Variants in AJAP1 observed in about 807,000 individuals in gnomAD.
The protein encoded by AJAP1 is adherens junctions associated protein 1, also known as adherens junction-associated protein 1.
A neutral mutation model predicts 35.0 loss-of-function variants in AJAP1; 5 were observed. The ratio of observed to expected loss-of-function variants is 0.14; its 90% CI spans 0.07 to 0.30. The LOEUF (loss-of-function observed/expected upper bound fraction) is 0.30, where lower values mean the gene tolerates loss of function less well. AJAP1 is among the 10% of genes least tolerant of loss of function. AJAP1 has a pLI of 1.00. For missense variants in AJAP1, 586 were observed against 571.0 expected (o/e 1.03, Z -0.27); for synonymous variants, 284 against 249.3 (o/e 1.14, Z -1.31).
chr1:4,790,597 A>G lies in AJAP1; in HGVS notation c.*8112A>G, dbSNP rs875402. ...TCTATCCGCAGATGTGTTTTGTTCT[A>G]TTTCTTGTTTTTCACTAGCGTTTGC... On this transcript the variant is annotated 3_prime_UTR_variant, in exon 6 of 6. Coordinates refer to ENST00000378191, the MANE Select transcript of AJAP1 (RefSeq NM_018836.4). 0.063 allele frequency: 9,652 copies of G among 152,228 alleles called. 369 individuals carry two copies. Among genetic ancestry groups the G allele is most frequent in the Middle Eastern group, 0.2 (58 of 294 alleles). The allele number at this position is 152,228 out of a possible 1,614,324, so 9.4% of individuals were successfully genotyped here.
intron 1 of AJAP1, among the ~76,000 whole-genome samples, chr1:4,683,088 G>A (rs1313499034): frequency 6.6e-6 from 1 of 152,250 alleles, no homozygotes; most frequent in Non-Finnish European, 1.5e-5. Flanking sequence ...TTAATGGCAA[G>A]AGTCAGATGG....
At chr1:4,663,768 T>A (rs1639054515) in intron 1 of AJAP1, among the ~76,000 whole-genome samples, 1 of 152,094 alleles carries the variant, frequency 6.6e-6, no homozygotes, top group Non-Finnish European at 1.5e-5. Context: ...GGTAGTTGCT[T>A]CTTCGAGCTC....
intron 2 of AJAP1, among the ~76,000 whole-genome samples, chr1:4,747,104 A>T (rs1223516851): frequency 1.3e-5 from 2 of 152,200 alleles, no homozygotes; most frequent in South Asian, 4.1e-4. Flanking sequence ...GAGCCAAAGG[A>T]GACAGATGTG....
intron 2 of AJAP1, among the ~76,000 whole-genome samples, chr1:4,717,723 C>T (rs996247415): frequency 3.9e-5 from 6 of 152,166 alleles, no homozygotes; most frequent in Admixed American, 2.0e-4. Flanking sequence ...ACCTAAGCAT[C>T]AATGCAAGCC....
At chr1:4,675,524 G>C (rs1031874938) in intron 1 of AJAP1, among the ~76,000 whole-genome samples, 3 of 152,198 alleles carry the variant, frequency 2.0e-5, no homozygotes, top group Non-Finnish European at 2.9e-5. Flanking sequence ...AGACCTGGTT[G>C]AATGACCATG....
chr1:4,654,627 G>T lies in AJAP1; in HGVS notation c.-799G>T, dbSNP rs1242398041. ...GAGAGGCAGACGCGAGGAGGGAGGC[G>T]GCTGAGCAGCGCGGGCGGCTCTGCG... On this transcript the variant is annotated 5_prime_UTR_variant, in exon 1 of 6. Transcript: ENST00000378191. The surrounding 1 kb of genome is among the most constrained non-coding windows in gnomAD (Gnocchi z 5.1). The T allele has an allele frequency of 2.0e-5, 3 of 150,818 alleles. No homozygotes were observed. In the Admixed American group the frequency reaches 2.0e-4, roughly 10 times the overall value. 9.3% of individuals were successfully genotyped at this position (150,818 alleles called of 1,614,324 possible). A position where few individuals can be genotyped will look rare whatever the true frequency, so the allele number is the denominator to read the frequency against.
intron 1 of AJAP1, among the ~76,000 whole-genome samples, chr1:4,694,361 C>G (rs1321323005): frequency 1.3e-5 from 2 of 152,232 alleles, no homozygotes; most frequent in Non-Finnish European, 1.5e-5. Flanking sequence ...ATTATTTTCT[C>G]TCTGACACAT....
chr1:4,691,936 G>A (rs1235235144), intron 1 of AJAP1, among the ~76,000 whole-genome samples: 2 of 152,100 alleles, frequency 1.3e-5, no homozygotes, highest in South Asian at 4.1e-4. Flanking sequence ...ACCTGCAGAG[G>A]GACAAGGGTC....
At chr1:4,702,573 T>C (rs1357765677) in intron 1 of AJAP1, among the ~76,000 whole-genome samples, 2 of 152,144 alleles carry the variant, frequency 1.3e-5, no homozygotes, top group African/African-American at 4.8e-5. Context: ...GAAAATGCCT[T>C]GGAGTGGACT....
At chr1:4,704,426 C>A (rs576099204) in intron 1 of AJAP1, among the ~76,000 whole-genome samples, 1 of 150,144 alleles carries the variant, frequency 6.7e-6, no homozygotes, top group South Asian at 2.1e-4. Flanking sequence ...TTTGTCCTTG[C>A]GATAGTTACT....
chr1:4,774,341 C>A, intron 4 of AJAP1, 86 bp from the exon 5 acceptor site: 1 of 1,260,544 alleles, frequency 7.9e-7, no homozygotes, highest in Non-Finnish European at 1.2e-6. Context: ...AGAAGCCAGT[C>A]CCCACCACAG....
chr1:4,665,725 CCAGA>C (rs1204997083), intron 1 of AJAP1, among the ~76,000 whole-genome samples: 14 of 152,154 alleles, frequency 9.2e-5, no homozygotes, highest in African/African-American at 3.4e-4. Context: ...GGCCTGACAT[CCAGA>C]CACTTTCATG....
intron 2 of AJAP1, among the ~76,000 whole-genome samples, chr1:4,759,806 G>A (rs1051384833): frequency 7.2e-5 from 11 of 152,166 alleles, no homozygotes; most frequent in Admixed American, 5.9e-4. Context: ...CAGTGGGTGC[G>A]GTGGTGCTGG....
At chr1:4,761,167 C>T (rs558532761) in intron 2 of AJAP1, among the ~76,000 whole-genome samples, 5 of 152,324 alleles carry the variant, frequency 3.3e-5, no homozygotes, top group Admixed American at 6.5e-5. Flanking sequence ...CTACCCACCT[C>T]GTCCTCACCC....
Position 4,783,513 on chromosome 1 carries a change from TTG to T in AJAP1, c.*1036_*1037del, listed in dbSNP as rs1298640263. On this transcript the variant is annotated 3_prime_UTR_variant, in exon 6 of 6. Transcript: ENST00000378191. ...TATATATATATATATATATATATGT[TTG>T]TGTGTGTATATATATATATATATAT... 11 of 103,836 alleles carry T rather than the reference TTG, an allele frequency of 1.1e-4. 1 individual carries two copies. The highest frequency in any genetic ancestry group is 4.7e-4 in the Admixed American group (5 of 10,564). The allele number at this position is 103,836 out of a possible 1,614,324, so 6.4% of individuals were successfully genotyped here.
At chr1:4,718,656 T>C (rs999331133) in intron 2 of AJAP1, among the ~76,000 whole-genome samples, 1 of 152,090 alleles carries the variant, frequency 6.6e-6, no homozygotes, top group African/African-American at 2.4e-5. Flanking sequence ...CTAATTTTTG[T>C]ATTTTTAGTA....
At chr1:4,689,106 G>A (rs1199932914) in intron 1 of AJAP1, among the ~76,000 whole-genome samples, 2 of 152,008 alleles carry the variant, frequency 1.3e-5, no homozygotes, top group Admixed American at 6.6e-5. Flanking sequence ...CTGCGGCTTC[G>A]GTCTTCAGTT....
At chr1:4,773,354 C>T (rs1428202143) in intron 4 of AJAP1, among the ~76,000 whole-genome samples, 1 of 152,172 alleles carries the variant, frequency 6.6e-6, no homozygotes, top group Non-Finnish European at 1.5e-5. Context: ...TGCATGCTCC[C>T]TTTCGTTCTG....
At chr1:4,706,914 G>T (rs540471593) in intron 1 of AJAP1, among the ~76,000 whole-genome samples, 1 of 152,306 alleles carries the variant, frequency 6.6e-6, no homozygotes, top group African/African-American at 2.4e-5. Flanking sequence ...CGGAGCAGTT[G>T]TTCCCCATTT....
Sources: gnomAD v4.1 joint callset for allele counts (sites outside exome capture counted in the v4.1 genomes callset) on GRCh38, gnomAD v4.1.1 for gene constraint, Gnocchi (gnomAD v3.1) non-coding constraint, MANE v1.5 for transcripts, NCBI Gene and HGNC (gene_info 2026-07-23, HGNC 2026-07-21) for gene names.